The following MYH6 variants were observed in gnomAD, a reference collection of about 807,000 sequenced individuals.
MYH6 encodes the protein myosin heavy chain 6, also known as myosin-6.
Under a neutral mutation model 223.2 loss-of-function variants are expected in MYH6, and 126 were observed. The ratio of observed to expected loss-of-function variants is 0.56; its 90% CI spans 0.49 to 0.65. The LOEUF is 0.65. Ranked by LOEUF, MYH6 falls within the 30% of genes least tolerant of loss-of-function variation. MYH6 has a pLI of 0.00. For missense variants in MYH6, 2,040 were observed against 2,536.4 expected, an observed-to-expected ratio of 0.80 and a Z score of 4.20; for synonymous variants, 978 against 1,010.2, an observed-to-expected ratio of 0.97 and a Z score of 0.61.
chr14:23,388,648 G>T, intron 29 of MYH6: 1 of 909,502 alleles, frequency 1.1e-6, no homozygotes, highest in Non-Finnish European at 1.9e-6. Flanking sequence ...TATAACCCGG[G>T]CCAAAAGCTC....
rs762487059 is a variant in MYH6, at chr14:23,393,422, G to C, written c.3025C>G (p.Leu1009Val). ...TCTTCCTCAACCTGAAGGTCATCCA[G>C]GGCCTGCTGATGGGCCTCTTGTAGA... is the stretch of plus-strand genomic sequence containing the variant. The part of the protein sequence containing the change: ...KALQEAHQQA[L>V]DDLQVEEDKV... The change falls in exon 23 of 39, where the codon CTG becomes GTG. Residue 1009 changes from leucine to valine, a missense_variant. Leu to Val is a conservative substitution (Grantham distance 32). Transcript: ENST00000405093. 1.9e-6 allele frequency: 3 copies of C among 1,614,158 alleles called. No individual in the cohort carries two copies. The Admixed American group carries it at 5.0e-5, about 27-fold the overall frequency.
chr14:23,398,938 A>G lies in MYH6; in HGVS notation c.1681T>C (p.Ser561Pro). 1 of 1,613,956 alleles carries G rather than the reference A, an allele frequency of 6.2e-7. No homozygotes were observed. The highest frequency in any genetic ancestry group is 2.2e-5 in the East Asian group (1 of 44,858). The change falls in exon 15 of 39, where the codon TCC (serine) becomes CCC (proline). Residue 561 changes from serine to proline, a missense_variant. Transcript: ENST00000405093. ...TTGCGTGGCTTCTGGAAATTGTTGG[A>G]CTTGCCCAGGTGGTTGTCGTACAGC... is the stretch of plus-strand genomic sequence containing the variant. ...AKLYDNHLGK[S>P]NNFQKPRNIK... is the part of the protein sequence containing the mutation.
intron 37 of MYH6, among the ~76,000 whole-genome samples, chr14:23,383,002 C>T (rs904125293): frequency 3.3e-5 from 5 of 152,216 alleles, no homozygotes; most frequent in Admixed American, 2.6e-4. Context: ...TCTACACTGC[C>T]TTCTGTTGGG....
chr14:23,388,097 T>C (rs1409198547), intron 30 of MYH6, 58 bp downstream of exon 30: 4 of 1,611,610 alleles, frequency 2.5e-6, no homozygotes, highest in Non-Finnish European at 3.4e-6. Context: ...GGCCTCTCAC[T>C]GAACCCCTCA....
In MYH6 at chr14:23,397,935, T is replaced by TCCTCCTCC. The variant is rs1566512298; in HGVS notation, c.1892-323_1892-322insGGAGGAGG. On this transcript the variant is annotated intron_variant, in intron 15 of 38. Coordinates refer to ENST00000405093, the MANE Select transcript of MYH6 (RefSeq NM_002471.4). The stretch of plus-strand genomic sequence containing the variant: ...TCTCCTCCTCCTCCTCCTCCTCCTC[T>TCCTCCTCC]TCTTCTTCTTCTTCTTCTTCTTCTT... Among the ~76,000 whole-genome samples, 52 of 57,758 alleles carry TCCTCCTCC rather than the reference T, an allele frequency of 9.0e-4. 1 individual carries two copies. The highest frequency in any genetic ancestry group is 3.1e-3 in the African/African-American group (45 of 14,628). The allele number at this position is 57,758 out of a possible 152,430, so 37.9% of individuals were successfully genotyped here. A position where few individuals can be genotyped will look rare whatever the true frequency, so the allele number is the denominator to read the frequency against.
chr14:23,392,797 A>T (rs1273750791), intron 24 of MYH6, 115 bp downstream of exon 24: 2 of 1,521,310 alleles, frequency 1.3e-6, no homozygotes, highest in Non-Finnish European at 1.8e-6. Flanking sequence ...GCTGTGATTG[A>T]CCTTATTCCC....
intron 34 of MYH6, 69 bp from the exon 35 acceptor site, chr14:23,385,110 C>T: frequency 6.2e-7 from 1 of 1,603,586 alleles, no homozygotes; most frequent in Non-Finnish European, 8.5e-7. Context: ...TACCCTTTCT[C>T]CAGAAAGAAT....
At chr14:23,394,769 C>G (rs1325491846) in intron 20 of MYH6, among the ~76,000 whole-genome samples, 1 of 152,196 alleles carries the variant, frequency 6.6e-6, no homozygotes, top group African/African-American at 2.4e-5. Context: ...ACCCCTGTCA[C>G]CCCGCCAGGA....
At chr14:23,384,314 C>A (rs1364536885) in intron 36 of MYH6, 128 bp downstream of exon 36, 11 of 1,430,476 alleles carry the variant, frequency 7.7e-6, no homozygotes, top group Non-Finnish European at 9.7e-6. Context: ...GACTGCAGAG[C>A]GTGAGAAGAA....
Position 23,389,161 on chromosome 14 carries a change from T to C in MYH6, c.3979-106A>G. ...CAACCAAGCCCAGCCTTATTCACCA[T>C]GTGGGCTGATGTGGCACCTCACTGT... is the stretch of plus-strand genomic sequence containing the variant. On this transcript the variant is annotated intron_variant, in intron 28 of 38. Transcript: ENST00000405093. 3 of 1,318,908 alleles carry C rather than the reference T, an allele frequency of 2.3e-6. No homozygotes were observed. In the South Asian group the frequency reaches 4.3e-5, roughly 19 times the overall value. The allele number at this position is 1,318,908 out of a possible 1,614,324, so 81.7% of individuals were successfully genotyped here.
rs1388891628 is a variant in MYH6 at position 23,382,006 on chromosome 14, A to C, written c.*34T>G. ...GCAGAGTTTGGCACTCATATTTATT[A>C]CAGGTTGGCAAGAGTGAGGTTCCCG... On this transcript the variant is annotated 3_prime_UTR_variant, in exon 39 of 39. Transcript: ENST00000405093. 1 of 1,614,136 alleles carries C rather than the reference A, an allele frequency of 6.2e-7. No homozygotes were observed. The highest frequency in any genetic ancestry group is 1.1e-5 in the South Asian group (1 of 91,076).
chr14:23,396,391 C>T lies in MYH6; in HGVS notation c.2322G>A (p.Leu774=), dbSNP rs1555334170. The T allele has an allele frequency of 6.2e-7, 1 of 1,613,980 alleles. No homozygotes were observed. The highest frequency in any genetic ancestry group is 8.5e-7 in the Non-Finnish European group (1 of 1,180,048). ...GCCTCTCATCCCGCATCTCCTCCAG[C>T]AGCCCAAGCAGCCCTGCCTTGAAGA... is the stretch of plus-strand genomic sequence containing the variant. ...KVFFKAGLLG[L]LEEMRDERLS... The change falls in exon 20 of 39, where the codon CTG becomes CTA. Residue 774 remains leucine (L), a synonymous_variant. Coordinates refer to ENST00000405093, the MANE Select transcript of MYH6 (RefSeq NM_002471.4).
At chr14:23,388,418 C>T in intron 29 of MYH6, 80 bp from the exon 30 acceptor site, 2 of 1,558,068 alleles carry the variant, frequency 1.3e-6, no homozygotes, top group South Asian at 1.1e-5. Flanking sequence ...CTTCCACCCC[C>T]TCCCTATATC....
Position 23,386,473 on chromosome 14 carries a change from T to C in MYH6, c.4801A>G (p.Thr1601Ala). 6.2e-7 allele frequency: 1 copy of C among 1,613,880 alleles called. No homozygotes were observed. Among genetic ancestry groups the C allele is most frequent in the Non-Finnish European group, 8.5e-7 (1 of 1,179,990 alleles). The stretch of plus-strand genomic sequence containing the variant: ...CTGCGTGTCTCTGCATCCAGGGAGG[T>C]CTGCAGCGAGTCCACCACCCGCTGG... ...NHQRVVDSLQ[T>A]SLDAETRSRN... The change falls in exon 33 of 39, where the codon ACC (threonine) becomes GCC (alanine). Residue 1601 changes from threonine (T) to alanine (A), a missense_variant. Physicochemically the swap from Thr to Ala is moderately conservative, Grantham distance 58. Around this residue, in one of 4 missense-constraint regions of MYH6, gnomAD observed 1,203 missense variants for 1,400.2 expected, o/e 0.86. Transcript: ENST00000405093.
chr14:23,383,121 GT>G, intron 37 of MYH6, 103 bp downstream of exon 37: 1 of 1,075,560 alleles, frequency 9.3e-7, no homozygotes. Flanking sequence ...GAGAGTTAAA[GT>G]TTATAGCAAA....
chr14:23,402,372 C>A, intron 12 of MYH6, 92 bp downstream of exon 12: 1 of 1,585,032 alleles, frequency 6.3e-7, no homozygotes, highest in South Asian at 1.1e-5. Context: ...CCCCACTGCC[C>A]CACAAGCCTC....
intron 28 of MYH6, 85 bp from the exon 29 acceptor site, chr14:23,389,140 C>T (rs1891146324): frequency 1.4e-6 from 2 of 1,446,804 alleles, no homozygotes; most frequent in Admixed American, 2.3e-5. Flanking sequence ...GTACTTCAAC[C>T]AAGCCCAGCC....
At chr14:23,404,159 T>C in intron 8 of MYH6, 137 bp downstream of exon 8, 4 of 1,110,666 alleles carry the variant, frequency 3.6e-6, no homozygotes, top group Non-Finnish European at 4.1e-6. Flanking sequence ...CCAAAGCCTA[T>C]GCTCTCTTCC....
rs566410891 is a variant in MYH6, at chr14:23,393,918, G to A, written c.2686-10C>T. 2.5e-6 allele frequency: 4 copies of A among 1,614,160 alleles called. No individual in the cohort carries two copies. The highest frequency in any genetic ancestry group is 1.1e-5 in the South Asian group (1 of 91,082). On this transcript the variant is annotated splice_polypyrimidine_tract_variant and intron_variant, in intron 21 of 38. Coordinates refer to ENST00000405093, the MANE Select transcript of MYH6 (RefSeq NM_002471.4). ...TGAGGTTGTCTTGTTCCTGGGAGAA[G>A]AGAACAGGGAGGAAGCTGATGGTTA...
Sources: allele counts gnomAD v4.1 joint callset (sites outside exome capture counted in the v4.1 genomes callset), GRCh38; gene constraint gnomAD v4.1.1; regional missense constraint gnomAD v4.1.1; transcripts MANE v1.5; gene names NCBI Gene and HGNC (gene_info 2026-07-23, HGNC 2026-07-21).